Variants in DKC1 observed in about 807,000 individuals in gnomAD.
DKC1 encodes the protein dyskerin pseudouridine synthase 1.
DKC1 carries 4 observed loss-of-function variants against 46.7 expected under a neutral mutation model. The observed-to-expected ratio is 0.09, with a 90% CI of 0.04 to 0.20. The LOEUF is 0.20. Ranked by LOEUF, DKC1 falls within the 10% of genes least tolerant of loss-of-function variation. The pLI is 1.00. For synonymous variants in DKC1, 141 were observed against 142.4 expected (o/e 0.99, Z 0.07); for missense variants, 171 against 404.2 (o/e 0.42, Z 4.95).
intron 3 of DKC1, 115 bp from the exon 4 acceptor site, chrX:154,765,792 C>T (rs781897289): frequency 1.2e-4 from 73 of 606,716 alleles, no homozygotes; most frequent in Non-Finnish European, 1.5e-4. Flanking sequence ...AGTTTTTGTA[C>T]TTAGTCCATC....
In DKC1 at chrX:154,769,158, G is replaced by A. The variant is rs782429731; in HGVS notation, c.772-9G>A. ...AACTGAATTATTTTCATACATGGCT[G>A]CTTTTCAGGACCACATGGTGACAAT... is the stretch of plus-strand genomic sequence containing the variant. On this transcript the variant is annotated splice_polypyrimidine_tract_variant and intron_variant, in intron 8 of 14. Coordinates refer to ENST00000369550, the MANE Select transcript of DKC1 (RefSeq NM_001363.5). 4.1e-6 allele frequency: 5 copies of A among 1,210,780 alleles called. No individual in the cohort carries two copies. Among genetic ancestry groups the A allele is most frequent in the Admixed American group, 2.2e-5 (1 of 46,010 alleles).
rs193003247 is a variant in DKC1, at chrX:154,763,170, C to T, written c.16+189C>T. Among the ~76,000 whole-genome samples, 23 of 112,104 alleles carry T rather than the reference C, an allele frequency of 2.1e-4. 2 individuals carry two copies. The East Asian group carries it at 6.5e-3, about 32-fold the overall frequency. On this transcript the variant is annotated intron_variant, in intron 1 of 14. Coordinates refer to ENST00000369550, the MANE Select transcript of DKC1 (RefSeq NM_001363.5). ...CGTGGCAAGGGCGCGAGAGTGGGAG[C>T]CCCTCGCGGTGACTTGGCATGATGG...
chrX:154,763,779 T>C (rs1481371961), intron 1 of DKC1, among the ~76,000 whole-genome samples: 1 of 111,913 alleles, frequency 8.9e-6, no homozygotes, highest in Non-Finnish European at 1.9e-5. Flanking sequence ...GCTTCAAACC[T>C]GGACAGCATG....
At chrX:154,765,363 G>A (rs1187571347) in intron 2 of DKC1, 81 bp from the exon 3 acceptor site, 7 of 794,039 alleles carry the variant, frequency 8.8e-6, no homozygotes, top group Non-Finnish European at 1.2e-5. Flanking sequence ...CTGTTTAAAA[G>A]GCATACATTT....
At chrX:154,775,487 G>A (rs1557265594) in intron 13 of DKC1, among the ~76,000 whole-genome samples, 2 of 112,234 alleles carry the variant, frequency 1.8e-5, no homozygotes, top group East Asian at 5.6e-4. Context: ...CTATCTGCTG[G>A]GAGGAGGAAT....
intron 1 of DKC1, among the ~76,000 whole-genome samples, chrX:154,763,235 C>T (rs931844299): frequency 5.3e-5 from 6 of 112,231 alleles, no homozygotes; most frequent in African/African-American, 1.9e-4. Context: ...GGGTCGCCGT[C>T]GAAAGACATC....
At chrX:154,765,371 T>C in intron 2 of DKC1, 73 bp from the exon 3 acceptor site, 4 of 865,924 alleles carry the variant, frequency 4.6e-6, no homozygotes, top group Non-Finnish European at 6.9e-6. Context: ...AAGGCATACA[T>C]TTCCATGGCA....
At chrX:154,773,974 C>A (rs1557265325) in intron 11 of DKC1, among the ~76,000 whole-genome samples, 1 of 111,683 alleles carries the variant, frequency 9.0e-6, no homozygotes, top group African/African-American at 3.3e-5. Flanking sequence ...CGGCTCCTGC[C>A]AGGTTCTTTT....
intron 11 of DKC1, 37 bp from the exon 12 acceptor site, chrX:154,774,565 A>G: frequency 8.8e-7 from 1 of 1,134,467 alleles, no homozygotes; most frequent in Non-Finnish European, 1.2e-6. Context: ...TCCAGCATTG[A>G]CACCATTCTA....
At chrX:154,769,675 A>T (rs1293599955) in intron 9 of DKC1, among the ~76,000 whole-genome samples, 1 of 112,337 alleles carries the variant, frequency 8.9e-6, no homozygotes, top group Non-Finnish European at 1.9e-5. Flanking sequence ...CTTGAGGGAT[A>T]AAAATTTCTG....
chrX:154,777,176 A>C lies in DKC1; in HGVS notation c.*309A>C, dbSNP rs2071910632. The C allele has an allele frequency of 4.4e-6, 1 of 225,433 alleles. No individual in the cohort carries two copies. Among genetic ancestry groups the C allele is most frequent in the Non-Finnish European group, 8.0e-6 (1 of 124,261 alleles). 18.6% of individuals were successfully genotyped at this position (225,433 alleles called of 1,213,427 possible). ...CAGCTGTCTGCTAGTGGTTGTCTTAACATCGTAGTCCTAGTTTGCATTTTT... is the reference window on the plus strand; with the variant it reads ...CAGCTGTCTGCTAGTGGTTGTCTTACCATCGTAGTCCTAGTTTGCATTTTT... On this transcript the variant is annotated 3_prime_UTR_variant, in exon 15 of 15. Transcript: ENST00000369550.
chrX:154,766,419 G>T lies in DKC1; in HGVS notation c.448+19G>T. 1 of 1,189,587 alleles carries T rather than the reference G, an allele frequency of 8.4e-7. No homozygotes were observed. Among genetic ancestry groups the T allele is most frequent in the Non-Finnish European group, 1.1e-6 (1 of 876,338 alleles). ...AGTGCAGGTATGTGGGAGAGGGAGG[G>T]AAGGACTGGCTAGAGTGAAAAGCTT... On this transcript the variant is annotated intron_variant, in intron 5 of 14. Transcript: ENST00000369550.
At chrX:154,770,239 C>A (rs1375831916) in intron 9 of DKC1, among the ~76,000 whole-genome samples, 2 of 109,992 alleles carry the variant, frequency 1.8e-5, no homozygotes, top group Non-Finnish European at 3.8e-5. Flanking sequence ...GAGGCCGGGC[C>A]AGGCAAATTG....
intron 1 of DKC1, among the ~76,000 whole-genome samples, chrX:154,764,278 G>A (rs2071719227): frequency 9.2e-6 from 1 of 108,924 alleles, no homozygotes; most frequent in Non-Finnish European, 1.9e-5. Context: ...TGGTGCACCC[G>A]TAGAGGAGGG....
At chrX:154,765,229 C>T in intron 2 of DKC1, 1 of 490,061 alleles carries the variant, frequency 2.0e-6, no homozygotes. Flanking sequence ...CCGCCATCCC[C>T]CTTTCTCTTT....
intron 10 of DKC1, among the ~76,000 whole-genome samples, 164 bp downstream of exon 10, chrX:154,771,043 A>G (rs941942973): frequency 9.0e-6 from 1 of 111,501 alleles, no homozygotes; most frequent in Admixed American, 9.5e-5. Context: ...TTTGTGTTAC[A>G]AACAATCCTA....
chrX:154,763,155 G>A (rs928239142), intron 1 of DKC1, among the ~76,000 whole-genome samples, 174 bp downstream of exon 1: 2 of 112,260 alleles, frequency 1.8e-5, no homozygotes, highest in African/African-American at 6.5e-5. Context: ...CGTGGCAAGG[G>A]CGCGAGAGTG....
At chrX:154,776,694 GA>G in intron 14 of DKC1, 104 bp from the exon 15 acceptor site, 5 of 857,707 alleles carry the variant, frequency 5.8e-6, no homozygotes, top group East Asian at 3.2e-5. Context: ...TACAGGTCCT[GA>G]AAAAGGCTTG....
In DKC1 at chrX:154,769,050, T is replaced by C; in HGVS notation, c.772-117T>C. Reference sequence around the variant, plus strand: ...CTGGAAGAGCCAGGACTGAAGAGGCTGAAGACATAATGAGCTTGGACTAGT... The same window carrying C: ...CTGGAAGAGCCAGGACTGAAGAGGCCGAAGACATAATGAGCTTGGACTAGT... On this transcript the variant is annotated intron_variant, in intron 8 of 14. Transcript: ENST00000369550. 35 of 608,613 alleles carry C rather than the reference T, an allele frequency of 5.8e-5. No homozygotes were observed. The South Asian group carries it at 6.8e-4, about 12-fold the overall frequency. The allele number at this position is 608,613 out of a possible 1,213,427, so 50.2% of individuals were successfully genotyped here. A position where few individuals can be genotyped will look rare whatever the true frequency, so the allele number is the denominator to read the frequency against.
Sources: gnomAD v4.1 joint callset for allele counts (sites outside exome capture counted in the v4.1 genomes callset) on GRCh38, gnomAD v4.1.1 for gene constraint, MANE v1.5 for transcripts, NCBI Gene and HGNC (gene_info 2026-07-23, HGNC 2026-07-21) for gene names.